Variants in PLOD1 observed in about 807,000 individuals in gnomAD.
PLOD1 encodes lysine hydroxylase.
A neutral mutation model predicts 94.7 loss-of-function variants in PLOD1; 70 were observed. That is an observed-to-expected ratio of 0.74 (90% CI 0.61 to 0.90). The LOEUF is 0.90. Among genes scored for constraint, PLOD1 ranks in the 40% least tolerant of loss-of-function variants. PLOD1 has a pLI of 0.00. For synonymous variants in PLOD1, 417 were observed against 400.2 expected, an observed-to-expected ratio of 1.04 and a Z score of -0.50; for missense variants, 905 against 972.7, an observed-to-expected ratio of 0.93 and a Z score of 0.93.
intron 16 of PLOD1, among the ~76,000 whole-genome samples, chr1:11,967,652 A>AT (rs1319528648): frequency 4.4e-5 from 5 of 113,520 alleles, no homozygotes; most frequent in African/African-American, 1.6e-4. Flanking sequence ...ATATATATAT[A>AT]TATATATTTT....
rs1002100452 is a variant in PLOD1 at position 11,934,744 on chromosome 1, C to T, written c.-36C>T. The T allele has an allele frequency of 5.3e-6, 8 of 1,521,006 alleles. No individual in the cohort carries two copies. The highest frequency in any genetic ancestry group is 2.9e-5 in the African/African-American group (2 of 69,986). 94.2% of individuals were successfully genotyped at this position (1,521,006 alleles called of 1,614,324 possible). ...CGCGAAGTTTCCAGCCCTGCGAGCGCCGCCGGGTCGGCCGATCGTCCCCCA... is the reference window on the plus strand; with the variant it reads ...CGCGAAGTTTCCAGCCCTGCGAGCGTCGCCGGGTCGGCCGATCGTCCCCCA... On this transcript the variant is annotated 5_prime_UTR_variant, in exon 1 of 19. Transcript: ENST00000196061.
At position 11,957,132 on chromosome 1, in the gene PLOD1, A is replaced by G. The variant is rs767213057; in HGVS notation, c.741+118A>G. ...GGCCACCTTCCTGGGGCCTGCTATGAACTCACTGCCTCTGTCCTCACATCT... is the reference window on the plus strand; with the variant it reads ...GGCCACCTTCCTGGGGCCTGCTATGGACTCACTGCCTCTGTCCTCACATCT... On this transcript the variant is annotated intron_variant, in intron 7 of 18. Transcript: ENST00000196061. The surrounding 1 kb of genome is among the most constrained non-coding windows in gnomAD (Gnocchi z 4.1). 1.3e-6 allele frequency: 1 copy of G among 783,654 alleles called. No homozygotes were observed. The highest frequency in any genetic ancestry group is 2.4e-6 in the Non-Finnish European group (1 of 423,878). 48.5% of individuals were successfully genotyped at this position (783,654 alleles called of 1,614,324 possible).
In PLOD1 at chr1:11,975,196, T is replaced by C. The variant is rs2100769395; in HGVS notation, c.*388T>C. 1 of 320,498 alleles carries C rather than the reference T, an allele frequency of 3.1e-6. No homozygotes were observed. The highest frequency in any genetic ancestry group is 2.9e-5 in the South Asian group (1 of 34,792). The allele number at this position is 320,498 out of a possible 1,614,324, so 19.9% of individuals were successfully genotyped here. ...GAAAGACTGTCTGGGTGAGAAGCCA[T>C]GGCCAGAGCTTCTCCCAGGCACAGG... On this transcript the variant is annotated 3_prime_UTR_variant, in exon 19 of 19. Transcript: ENST00000196061.
In PLOD1 at chr1:11,972,650, C is replaced by T. The variant is rs1645874427; in HGVS notation, c.1903-222C>T. On this transcript the variant is annotated intron_variant, in intron 17 of 18. Coordinates refer to ENST00000196061, the MANE Select transcript of PLOD1 (RefSeq NM_000302.4). This position sits in a 1 kb window ranked among gnomAD's most constrained non-coding sequence, Gnocchi z 4.6. ...TCCTTTCTTCCTTCCCCTCTGTTCT[C>T]TTCCTTCCCTCCCTCTCTCCCCTCT... 1 of 481,652 alleles carries T rather than the reference C, an allele frequency of 2.1e-6. No homozygotes were observed. The highest frequency in any genetic ancestry group is 2.0e-5 in the African/African-American group (1 of 51,078). The allele number at this position is 481,652 out of a possible 1,614,324, so 29.8% of individuals were successfully genotyped here.
chr1:11,952,827 G>A, intron 5 of PLOD1, 92 bp downstream of exon 5: 1 of 908,412 alleles, frequency 1.1e-6, no homozygotes, highest in Non-Finnish European at 1.8e-6. Context: ...GAACCCCTGG[G>A]TTGGTGTCTT....
chr1:11,934,840 G>T lies in PLOD1; in HGVS notation c.61G>T (p.Asp21Tyr), dbSNP rs940462451. 6.5e-7 allele frequency: 1 copy of T among 1,539,512 alleles called. No homozygotes were observed. Among genetic ancestry groups the T allele is most frequent in the Non-Finnish European group, 8.7e-7 (1 of 1,145,594 alleles). The change falls in exon 1 of 19, where the codon GAC becomes TAC. Residue 21 changes from aspartate (D) to tyrosine (Y), a missense_variant. Asp to Tyr is a radical substitution (Grantham distance 160). Coordinates refer to ENST00000196061, the MANE Select transcript of PLOD1 (RefSeq NM_000302.4). ...GWLLLAEAKG[D>Y]AKPEDNLLVL... ...GCTGCTGCTGGCCGAAGCGAAGGGC[G>T]ACGCCAAGCCGGAGGGTGAGGGAGC...
At chr1:11,974,424 C>A (rs1645888917) in intron 18 of PLOD1, among the ~76,000 whole-genome samples, 1 of 152,110 alleles carries the variant, frequency 6.6e-6, no homozygotes, top group African/African-American at 2.4e-5. Flanking sequence ...CTCAGGTGGT[C>A]CACCCGCCTT....
rs559977810 is a variant in PLOD1, at chr1:11,969,177, A to G, written c.1756-1493A>G. Among the ~76,000 whole-genome samples, 36 of 150,520 alleles carry G rather than the reference A, an allele frequency of 2.4e-4. No individual in the cohort carries two copies. In the South Asian group the frequency reaches 7.5e-3, roughly 31 times the overall value. On this transcript the variant is annotated intron_variant, in intron 16 of 18. Coordinates refer to ENST00000196061, the MANE Select transcript of PLOD1 (RefSeq NM_000302.4). ...TAATTTTTGTATTTTTAGTAGAGACAGGGGTTTCACCGTGTTTGTGAGGCT... is the reference window on the plus strand; with the variant it reads ...TAATTTTTGTATTTTTAGTAGAGACGGGGGTTTCACCGTGTTTGTGAGGCT...
Position 11,963,302 on chromosome 1 carries a change from G to A in PLOD1, c.1098-230G>A, listed in dbSNP as rs147645440. The stretch of plus-strand genomic sequence containing the variant: ...TGGGCTGTGTTCTTCCCAGTACCAG[G>A]ATTTTCAGGGCACTTGATACCAGTT... On this transcript the variant is annotated intron_variant, in intron 10 of 18. Coordinates refer to ENST00000196061, the MANE Select transcript of PLOD1 (RefSeq NM_000302.4). This position sits in a 1 kb window ranked among gnomAD's most constrained non-coding sequence, Gnocchi z 4.3. Among the ~76,000 whole-genome samples the A allele has an allele frequency of 8.2e-3, 1,252 of 152,308 alleles. 20 individuals are homozygous for A. The highest frequency in any genetic ancestry group is 0.029 in the African/African-American group (1,199 of 41,566).
chr1:11,973,591 C>T (rs373981460), intron 18 of PLOD1, among the ~76,000 whole-genome samples: 5,430 of 146,970 alleles, frequency 0.037, 258 homozygotes, highest in African/African-American at 0.11. Flanking sequence ...TTTTTTTTTT[C>T]TTTTTCGAGA....
intron 12 of PLOD1, among the ~76,000 whole-genome samples, 163 bp from the exon 13 acceptor site, chr1:11,964,481 C>T (rs1645801596): frequency 6.6e-6 from 1 of 152,058 alleles, no homozygotes; most frequent in South Asian, 2.1e-4. Flanking sequence ...CCCATGTGTC[C>T]AGGGCGGGGG....
intron 16 of PLOD1, among the ~76,000 whole-genome samples, chr1:11,968,524 T>C (rs904980348): frequency 6.6e-6 from 1 of 151,750 alleles, no homozygotes; most frequent in Non-Finnish European, 1.5e-5. Context: ...TTTTCTTTTT[T>C]TTTTTTTTGA....
intron 1 of PLOD1, among the ~76,000 whole-genome samples, chr1:11,941,647 A>AT (rs535590279): frequency 2.0e-5 from 3 of 151,566 alleles, no homozygotes; most frequent in Non-Finnish European, 2.9e-5. Context: ...GCCCAGCTAA[A>AT]TTTTTTTTGT....
At chr1:11,941,495 T>A (rs537599416) in intron 1 of PLOD1, among the ~76,000 whole-genome samples, 2 of 144,206 alleles carry the variant, frequency 1.4e-5, no homozygotes, top group African/African-American at 5.6e-5. Flanking sequence ...TATTATTATT[T>A]TTGAGATGGA....
At chr1:11,943,731 TAGA>T (rs1645630515) in intron 1 of PLOD1, among the ~76,000 whole-genome samples, 1 of 152,122 alleles carries the variant, frequency 6.6e-6, no homozygotes, top group Admixed American at 6.5e-5. Flanking sequence ...CTTACATAGA[TAGA>T]GAGACAGGGC....
intron 4 of PLOD1, among the ~76,000 whole-genome samples, chr1:11,952,331 A>G (rs969603172): frequency 3.9e-5 from 6 of 152,164 alleles, no homozygotes; most frequent in African/African-American, 1.4e-4. Context: ...TCCTCGTACA[A>G]TCCGTTTCTT....
intron 1 of PLOD1, among the ~76,000 whole-genome samples, chr1:11,943,089 C>A (rs1333792719): frequency 2.6e-5 from 4 of 152,142 alleles, no homozygotes; most frequent in African/African-American, 9.7e-5. Flanking sequence ...TGGGTTCAAG[C>A]AGTTCTCTGC....
Position 11,946,850 on chromosome 1 carries a change from T to C in PLOD1, c.77-1126T>C, listed in dbSNP as rs560155106. Among the ~76,000 whole-genome samples the C allele has an allele frequency of 2.0e-5, 3 of 152,312 alleles. No homozygotes were observed. The South Asian group carries it at 6.2e-4, about 32-fold the overall frequency. Reference sequence around the variant, plus strand: ...ATTTGGCTCACAGTTCTGCAGGCTGTACAAGCATACCACCAGCATCTGTTC... The same window carrying C: ...ATTTGGCTCACAGTTCTGCAGGCTGCACAAGCATACCACCAGCATCTGTTC... On this transcript the variant is annotated intron_variant, in intron 1 of 18. Coordinates refer to ENST00000196061, the MANE Select transcript of PLOD1 (RefSeq NM_000302.4).
rs1023520584 is a variant in PLOD1, at chr1:11,957,748, G to T, written c.742-94G>T. Reference sequence around the variant, plus strand: ...CTTAGGGAGTGGGAGGGGGCTGGATGGTGCTGACCCACTGGGGGCCCAGGG... The same window carrying T: ...CTTAGGGAGTGGGAGGGGGCTGGATTGTGCTGACCCACTGGGGGCCCAGGG... On this transcript the variant is annotated intron_variant, in intron 7 of 18. Transcript: ENST00000196061. The surrounding 1 kb of genome is among the most constrained non-coding windows in gnomAD (Gnocchi z 4.1). The T allele has an allele frequency of 2.8e-5, 23 of 833,324 alleles. No individual in the cohort carries two copies. The highest frequency in any genetic ancestry group is 4.9e-5 in the Non-Finnish European group (23 of 467,232). The allele number at this position is 833,324 out of a possible 1,614,324, so 51.6% of individuals were successfully genotyped here.
Sources: gnomAD v4.1 joint callset for allele counts (sites outside exome capture counted in the v4.1 genomes callset) on GRCh38, gnomAD v4.1.1 for gene constraint, Gnocchi (gnomAD v3.1) non-coding constraint, MANE v1.5 for transcripts, NCBI Gene and HGNC (gene_info 2026-07-23, HGNC 2026-07-21) for gene names.